TENM4: variants seen among roughly 807,000 people sequenced by gnomAD.
TENM4 encodes teneurin-4.
In TENM4, 82 loss-of-function variants were observed where a neutral mutation model predicts 243.3. The ratio of observed to expected loss-of-function variants is 0.34; its 90% CI spans 0.28 to 0.40. The LOEUF (loss-of-function observed/expected upper bound fraction) is 0.40, where lower values mean the gene tolerates loss of function less well. Ranked by LOEUF, TENM4 falls within the 10% of genes least tolerant of loss-of-function variation. The pLI, the probability that TENM4 is intolerant of heterozygous loss-of-function variation, is 1.00. For missense variants in TENM4, 3,138 were observed against 3,673.3 expected (o/e 0.85, Z 3.77); for synonymous variants, 1,412 against 1,456.3 (o/e 0.97, Z 0.69).
At chr11:78,743,977 T>A (rs1205326059) in intron 19 of TENM4, among the ~76,000 whole-genome samples, 2 of 152,226 alleles carry the variant, frequency 1.3e-5, no homozygotes, top group African/African-American at 4.8e-5. Flanking sequence ...ATTATGTAAA[T>A]CACTCCTTTG....
chr11:78,699,867 C>A (rs1859063372), intron 28 of TENM4, among the ~76,000 whole-genome samples: 1 of 152,160 alleles, frequency 6.6e-6, no homozygotes, highest in Admixed American at 6.5e-5. Flanking sequence ...CTTGCTCTGA[C>A]AAAGAAACCC....
chr11:78,675,537 C>T (rs1858445754), intron 30 of TENM4, among the ~76,000 whole-genome samples: 1 of 152,168 alleles, frequency 6.6e-6, no homozygotes, highest in Admixed American at 6.5e-5. Context: ...TCTACAGAAA[C>T]ACAGGATGTG....
chr11:78,870,907 A>G (rs1055989549), intron 9 of TENM4, among the ~76,000 whole-genome samples: 3 of 152,192 alleles, frequency 2.0e-5, no homozygotes, highest in Admixed American at 2.0e-4. Context: ...ATAAACTGCT[A>G]TTATTGCAGT....
At chr11:79,240,441 C>T (rs1864568711) in intron 2 of TENM4, among the ~76,000 whole-genome samples, 1 of 152,160 alleles carries the variant, frequency 6.6e-6, no homozygotes, top group African/African-American at 2.4e-5. Context: ...TCATAGGCCA[C>T]CTCCTCCAGA....
chr11:79,183,630 TTG>T (rs1451497845), intron 3 of TENM4, among the ~76,000 whole-genome samples: 4 of 151,934 alleles, frequency 2.6e-5, no homozygotes, highest in African/African-American at 9.7e-5. Context: ...TGTGGCAAGG[TTG>T]TGTGTGTGTG....
At chr11:79,181,786 T>C (rs1024337069) in intron 3 of TENM4, among the ~76,000 whole-genome samples, 2 of 151,702 alleles carry the variant, frequency 1.3e-5, no homozygotes, top group Non-Finnish European at 2.9e-5. Context: ...CAAAAGTCAA[T>C]CACTTTCCTA....
intron 2 of TENM4, among the ~76,000 whole-genome samples, chr11:79,238,630 C>A (rs1864525198): frequency 6.6e-6 from 1 of 152,020 alleles, no homozygotes; most frequent in Non-Finnish European, 1.5e-5. Context: ...TCTTCCAAGC[C>A]CTCATAATTG....
chr11:79,028,971 A>C (rs1859157076), intron 6 of TENM4, among the ~76,000 whole-genome samples: 1 of 152,184 alleles, frequency 6.6e-6, no homozygotes, highest in African/African-American at 2.4e-5. Flanking sequence ...CAGTGCCCTA[A>C]AGAGTCTTGA....
chr11:78,764,052 T>C lies in TENM4; in HGVS notation c.2539+6940A>G, dbSNP rs75052394. On this transcript the variant is annotated intron_variant, in intron 18 of 33. Coordinates refer to ENST00000278550, the MANE Select transcript of TENM4 (RefSeq NM_001098816.3). ...TCCCTTTCTTGTGTCTGCGTCCTTATCAGGGAGGCCAAGAGTACATGGGGC... is the reference window on the plus strand; with the variant it reads ...TCCCTTTCTTGTGTCTGCGTCCTTACCAGGGAGGCCAAGAGTACATGGGGC... Among the ~76,000 whole-genome samples, 1,226 of 150,378 alleles carry C rather than the reference T, an allele frequency of 8.2e-3. 22 individuals carry two copies. The highest frequency in any genetic ancestry group is 0.029 in the African/African-American group (1,172 of 40,382).
At chr11:79,337,802 T>C (rs57946898) in intron 1 of TENM4, among the ~76,000 whole-genome samples, 6,517 of 152,228 alleles carry the variant, frequency 0.043, 446 homozygotes, top group African/African-American at 0.15. Flanking sequence ...CCAGAGTGGG[T>C]TTCTGCCCCA....
rs760620228 is a variant in TENM4 at position 78,729,578 on chromosome 11, G to C, written c.3204C>G (p.Thr1068=). The change falls in exon 22 of 34, where the codon ACC becomes ACG. Residue 1068 remains threonine (T), a synonymous_variant. Coordinates refer to ENST00000278550, the MANE Select transcript of TENM4 (RefSeq NM_001098816.3). The part of the protein sequence containing the change: ...KMRLSYLSSR[T]PGYKSVLRIS... ...TCCTCAGGACAGATTTGTAGCCAGGGGTCCGGCTGCTCAGGTAGCTCAGCC... is the reference window on the plus strand; with the variant it reads ...TCCTCAGGACAGATTTGTAGCCAGGCGTCCGGCTGCTCAGGTAGCTCAGCC... 3 of 1,613,888 alleles carry C rather than the reference G, an allele frequency of 1.9e-6. No individual in the cohort carries two copies. Among genetic ancestry groups the C allele is most frequent in the Non-Finnish European group, 2.5e-6 (3 of 1,179,858 alleles).
At chr11:79,237,382 A>T (rs1864496629) in intron 2 of TENM4, among the ~76,000 whole-genome samples, 1 of 152,218 alleles carries the variant, frequency 6.6e-6, no homozygotes, top group South Asian at 2.1e-4. Context: ...ACTCTGGTAT[A>T]AAGTAAACAT....
chr11:78,819,348 C>A (rs1290198846), intron 12 of TENM4, among the ~76,000 whole-genome samples: 1 of 152,226 alleles, frequency 6.6e-6, no homozygotes, highest in Admixed American at 6.5e-5. Flanking sequence ...TGAGGAAAGT[C>A]TGCCCTCATT....
In TENM4 at chr11:79,130,588, C is replaced by T. The variant is rs36054476; in HGVS notation, c.-66+18122G>A. Among the ~76,000 whole-genome samples the T allele has an allele frequency of 6.2e-3, 938 of 152,248 alleles. 2 individuals carry two copies. The highest frequency in any genetic ancestry group is 0.01 in the Non-Finnish European group (704 of 68,022). ...CCTGTAATCCCAGCACTTTGGGAGGCCAAGGCGGGTGGATCACGAGATCAG... is the reference window on the plus strand; with the variant it reads ...CCTGTAATCCCAGCACTTTGGGAGGTCAAGGCGGGTGGATCACGAGATCAG... On this transcript the variant is annotated intron_variant, in intron 4 of 33. Coordinates refer to ENST00000278550, the MANE Select transcript of TENM4 (RefSeq NM_001098816.3).
At chr11:79,330,413 G>A (rs1211393044) in intron 1 of TENM4, among the ~76,000 whole-genome samples, 2 of 152,212 alleles carry the variant, frequency 1.3e-5, no homozygotes, top group Non-Finnish European at 2.9e-5. Context: ...AAGGCAGGGG[G>A]CTAGGGGGAA....
intron 29 of TENM4, among the ~76,000 whole-genome samples, chr11:78,676,618 C>T (rs1188854480): frequency 6.6e-6 from 1 of 152,192 alleles, no homozygotes; most frequent in African/African-American, 2.4e-5. Context: ...AGGATATTTC[C>T]AAATGCCCTT....
intron 7 of TENM4, among the ~76,000 whole-genome samples, chr11:78,896,580 C>T (rs56265405): frequency 0.1 from 15,276 of 152,060 alleles, 1,012 homozygotes; most frequent in African/African-American, 0.2. Context: ...CCTCAAGAGA[C>T]TCCCTGTGCT....
At chr11:79,413,023 T>G (rs1858734789) in intron 1 of TENM4, among the ~76,000 whole-genome samples, 1 of 152,230 alleles carries the variant, frequency 6.6e-6, no homozygotes, top group African/African-American at 2.4e-5. Context: ...AAGCATTAGT[T>G]ACAGCATGTC....
intron 1 of TENM4, among the ~76,000 whole-genome samples, chr11:79,343,589 A>G (rs1028901570): frequency 6.6e-6 from 1 of 152,020 alleles, no homozygotes; most frequent in East Asian, 1.9e-4. Context: ...AATGGCCCTG[A>G]CTCACCTTTT....
Sources: gnomAD v4.1 joint callset for allele counts (sites outside exome capture counted in the v4.1 genomes callset) on GRCh38, gnomAD v4.1.1 for gene constraint, MANE v1.5 for transcripts, NCBI Gene and HGNC (gene_info 2026-07-23, HGNC 2026-07-21) for gene names.